The following GPHN variants were observed in gnomAD, a reference collection of about 807,000 sequenced individuals.
The protein encoded by GPHN is gephyrin.
Under a neutral mutation model 95.5 loss-of-function variants are expected in GPHN, and 17 were observed. The ratio of observed to expected loss-of-function variants is 0.18; its 90% CI spans 0.12 to 0.27. The LOEUF (loss-of-function observed/expected upper bound fraction) is 0.27. Ranked by LOEUF, GPHN falls within the 10% of genes least tolerant of loss-of-function variation. GPHN has a pLI of 1.00. For missense variants in GPHN, 660 were observed against 978.1 expected (o/e 0.67, Z 4.34); for synonymous variants, 320 against 322.5 (o/e 0.99, Z 0.08).
At chr14:66,639,216 G>A (rs1160649856) in intron 1 of GPHN, among the ~76,000 whole-genome samples, 1 of 151,744 alleles carries the variant, frequency 6.6e-6, no homozygotes, top group Non-Finnish European at 1.5e-5. Context: ...TGTTATAAGT[G>A]TAAAAATGAA....
intron 9 of GPHN, among the ~76,000 whole-genome samples, chr14:67,012,662 A>G (rs910180133): frequency 6.6e-6 from 1 of 152,188 alleles, no homozygotes; most frequent in East Asian, 1.9e-4. Context: ...TCCTTTATAC[A>G]ATGTTGGATA....
At position 66,824,499 on chromosome 14, in the gene GPHN, A is replaced by G; in HGVS notation, c.227A>G (p.Glu76Gly). The change falls in exon 4 of 23, where the codon GAA becomes GGA. Residue 76 changes from glutamate (E) to glycine (G), a missense_variant. Physicochemically the swap from Glu to Gly is moderately conservative, Grantham distance 98. Transcript: ENST00000478722. ...IKETLIDWCD[E>G]KELNLILTTG... ...GAAACCCTGATAGATTGGTGTGATG[A>G]AAAGGAACTTAATTTGATATTAACA... 9 of 1,592,106 alleles carry G rather than the reference A, an allele frequency of 5.7e-6. No homozygotes were observed. Among genetic ancestry groups the G allele is most frequent in the Non-Finnish European group, 7.8e-6 (9 of 1,160,312 alleles).
chr14:66,678,591 G>A (rs2066750820), intron 1 of GPHN, among the ~76,000 whole-genome samples: 1 of 150,960 alleles, frequency 6.6e-6, no homozygotes, highest in South Asian at 2.1e-4. Context: ...TTTTCTTTTG[G>A]GGCTCTGTTA....
At chr14:66,860,561 CTG>C (rs143196992) in intron 4 of GPHN, among the ~76,000 whole-genome samples, 1,828 of 152,064 alleles carry the variant, frequency 0.012, 19 homozygotes, top group Non-Finnish European at 0.018. Flanking sequence ...GCAAAACTCA[CTG>C]GTAGTAGTAA....
the GPHN span, among the ~76,000 whole-genome samples, chr14:67,712,581 C>T: frequency 1.3e-5 from 2 of 149,122 alleles, no homozygotes; most frequent in Non-Finnish European, 3.0e-5. Flanking sequence ...TACAAACACA[C>T]CTTGGATGTT....
At chr14:66,799,963 G>T (rs541856146) in intron 3 of GPHN, among the ~76,000 whole-genome samples, 80 of 151,544 alleles carry the variant, frequency 5.3e-4, no homozygotes, top group Non-Finnish European at 9.4e-4. Flanking sequence ...TCTCTCCATT[G>T]TATGTTTTTT....
chr14:66,682,400 T>C (rs2066991626), intron 2 of GPHN, among the ~76,000 whole-genome samples: 1 of 152,218 alleles, frequency 6.6e-6, no homozygotes, highest in South Asian at 2.1e-4. Flanking sequence ...ACTATCCTTA[T>C]GGATATGGGT....
chr14:67,446,557 C>CT, the GPHN span, among the ~76,000 whole-genome samples: 1 of 152,242 alleles, frequency 6.6e-6, no homozygotes, highest in Admixed American at 6.5e-5. Context: ...ACGCCAGCCA[C>CT]TGCAGTCCTG....
At chr14:67,352,932 C>G in the GPHN span, 1 of 1,604,718 alleles carries the variant, frequency 6.2e-7, no homozygotes, top group Non-Finnish European at 8.5e-7. Flanking sequence ...CCTCTATTAT[C>G]TTCTTTAGGA....
the GPHN span, chr14:67,254,377 A>G: frequency 6.6e-6 from 1 of 151,956 alleles, no homozygotes; most frequent in Non-Finnish European, 1.5e-5. Context: ...TTGACCTTTT[A>G]TTCTTATTTC....
chr14:67,484,611 C>T, the GPHN span, among the ~76,000 whole-genome samples: 1 of 151,972 alleles, frequency 6.6e-6, no homozygotes, highest in East Asian at 1.9e-4. Flanking sequence ...TTTAAAAAGC[C>T]AATCCATGCA....
chr14:67,667,536 T>C, the GPHN span, among the ~76,000 whole-genome samples: 21 of 152,188 alleles, frequency 1.4e-4, no homozygotes, highest in Non-Finnish European at 2.2e-4. Context: ...ACACATAACA[T>C]TCACTTAGCA....
intron 17 of GPHN, among the ~76,000 whole-genome samples, chr14:67,132,367 C>G (rs2153698084): frequency 6.6e-6 from 1 of 152,260 alleles, no homozygotes; most frequent in African/African-American, 2.4e-5. Flanking sequence ...TGGTTCTTGT[C>G]ATTTTTATAA....
chr14:66,728,733 C>T lies in GPHN; in HGVS notation c.143+47548C>T, dbSNP rs555751146. ...TAAATTGCTTTTGATTTTACTGGCT[C>T]ATAGGTAAAAGGGACTTGCCTTATC... is the stretch of plus-strand genomic sequence containing the variant. On this transcript the variant is annotated intron_variant, in intron 2 of 22. Coordinates refer to ENST00000478722, the MANE Select transcript of GPHN (RefSeq NM_020806.5). Among the ~76,000 whole-genome samples, 6 of 152,286 alleles carry T rather than the reference C, an allele frequency of 3.9e-5. No homozygotes were observed. The South Asian group carries it at 1.2e-3, about 32-fold the overall frequency.
At chr14:67,105,428 G>A (rs2077981807) in intron 13 of GPHN, among the ~76,000 whole-genome samples, 1 of 152,056 alleles carries the variant, frequency 6.6e-6, no homozygotes, top group Non-Finnish European at 1.5e-5. Flanking sequence ...GCTGAGAGTA[G>A]GGTGTCAAAC....
intron 22 of GPHN, 98 bp from the exon 23 acceptor site, chr14:67,180,706 C>T: frequency 8.4e-7 from 1 of 1,186,248 alleles, no homozygotes; most frequent in South Asian, 1.3e-5. Flanking sequence ...TCTTGAAGAC[C>T]CGCATTTCTG....
At chr14:67,589,254 C>G in the GPHN span, 24 of 758,014 alleles carry the variant, frequency 3.2e-5, no homozygotes, top group Middle Eastern at 6.6e-4. Context: ...CCCAACCCTT[C>G]AGGAACCCTT....
intron 1 of GPHN, among the ~76,000 whole-genome samples, chr14:66,615,505 A>G (rs1306738809): frequency 7.1e-6 from 1 of 140,548 alleles, no homozygotes; most frequent in African/African-American, 2.7e-5. Context: ...TTTGTTGGCC[A>G]TGTAAATGTC....
In GPHN at chr14:67,150,854, T is replaced by G. The variant is rs946146992; in HGVS notation, c.1836+7405T>G. ...CATTATAGGTACACGTCATCATACC[T>G]GGCTTTTGGGTTTCCTTAATAACTG... is the stretch of plus-strand genomic sequence containing the variant. On this transcript the variant is annotated intron_variant, in intron 18 of 22. Coordinates refer to ENST00000478722, the MANE Select transcript of GPHN (RefSeq NM_020806.5). Among the ~76,000 whole-genome samples the G allele has an allele frequency of 2.5e-4, 38 of 152,162 alleles. 1 individual carries two copies. The highest frequency in any genetic ancestry group is 1.5e-5 in the Non-Finnish European group (1 of 68,024).
Sources: allele counts gnomAD v4.1 joint callset (sites outside exome capture counted in the v4.1 genomes callset), GRCh38; gene constraint gnomAD v4.1.1; transcripts MANE v1.5; gene names NCBI Gene and HGNC (gene_info 2026-07-23, HGNC 2026-07-21).